Variants in HSPBAP1 observed in about 807,000 individuals in gnomAD.
The protein encoded by HSPBAP1 is HSPB1 associated protein 1.
Under a neutral mutation model 45.2 loss-of-function variants are expected in HSPBAP1, and 27 were observed. That is an observed-to-expected ratio of 0.60 (90% CI 0.44 to 0.82). The LOEUF (loss-of-function observed/expected upper bound fraction) is 0.82. Among genes scored for constraint, HSPBAP1 ranks in the 40% least tolerant of loss-of-function variants. The pLI is 0.00. For synonymous variants in HSPBAP1, 204 were observed against 202.7 expected, an observed-to-expected ratio of 1.01 and a Z score of -0.06; for missense variants, 510 against 590.9, an observed-to-expected ratio of 0.86 and a Z score of 1.42.
Position 122,740,921 on chromosome 3 carries a change from TAC to T in HSPBAP1, c.937-48_937-47del, listed in dbSNP as rs766657484. 1.9e-6 allele frequency: 3 copies of T among 1,609,306 alleles called. No individual in the cohort carries two copies. The South Asian group carries it at 3.3e-5, about 18-fold the overall frequency. On this transcript the variant is annotated intron_variant, in intron 7 of 7. Coordinates refer to ENST00000306103, the MANE Select transcript of HSPBAP1 (RefSeq NM_024610.6). ...TTTAAAATGGTTACATACATTTAGT[TAC>T]ACTGGAAAACATATGTTCTAGTCAG...
chr3:122,793,496 G>T, intron 1 of HSPBAP1, 121 bp downstream of exon 1: 1 of 768,368 alleles, frequency 1.3e-6, no homozygotes, highest in Non-Finnish European at 2.2e-6. Flanking sequence ...TTTCTTCATA[G>T]TCTAATGCAA....
At chr3:122,749,206 A>G (rs1281587404) in intron 6 of HSPBAP1, among the ~76,000 whole-genome samples, 1 of 151,984 alleles carries the variant, frequency 6.6e-6, no homozygotes, top group Non-Finnish European at 1.5e-5. Context: ...ATGATAAACC[A>G]GAAATGAATA....
chr3:122,774,150 CCTT>C (rs1935107885), intron 2 of HSPBAP1, among the ~76,000 whole-genome samples: 2 of 152,208 alleles, frequency 1.3e-5, no homozygotes, highest in South Asian at 4.1e-4. Flanking sequence ...ACAGAAGTGA[CCTT>C]CTTGAGGGGA....
At chr3:122,781,006 G>C (rs1165681169) in intron 1 of HSPBAP1, among the ~76,000 whole-genome samples, 1 of 149,766 alleles carries the variant, frequency 6.7e-6, no homozygotes, top group Non-Finnish European at 1.5e-5. Context: ...TGGCAGCCGG[G>C]AAGAGGCGCT....
At chr3:122,765,169 A>T (rs937876545) in intron 3 of HSPBAP1, among the ~76,000 whole-genome samples, 15 of 152,350 alleles carry the variant, frequency 9.8e-5, no homozygotes, top group South Asian at 2.1e-4. Context: ...AAGGAAAAAA[A>T]GACTCAGACA....
intron 4 of HSPBAP1, among the ~76,000 whole-genome samples, chr3:122,756,578 G>C (rs1396777582): frequency 2.0e-5 from 3 of 151,802 alleles, no homozygotes; most frequent in Non-Finnish European, 4.4e-5. Flanking sequence ...TGTGCCTGTA[G>C]TCCCAGCTAC....
Position 122,759,380 on chromosome 3 carries a change from C to T in HSPBAP1, c.433-20G>A, listed in dbSNP as rs1238197978. On this transcript the variant is annotated intron_variant, in intron 3 of 7. Transcript: ENST00000306103. ...CACATCCTGTTTTGAAATAAAGTTG[C>T]AATCCATCAAGAACTAACCAACTTC... 20 of 1,609,398 alleles carry T rather than the reference C, an allele frequency of 1.2e-5. No homozygotes were observed. The highest frequency in any genetic ancestry group is 1.5e-5 in the Non-Finnish European group (18 of 1,177,044).
chr3:122,740,574 T>G lies in HSPBAP1; in HGVS notation c.1238A>C (p.Asp413Ala). The change falls in exon 8 of 8, where the codon GAT (aspartate) becomes GCT (alanine). Residue 413 changes from aspartate to alanine, a missense_variant. Asp to Ala is a moderately radical substitution (Grantham distance 126). Transcript: ENST00000306103. ...ATCCTTGTCCACAAAGTCTTTCCCA[T>G]CACTTCCAAATATGCCTCCTCTTTC... ...PSERGGIFGS[D>A]GKDFVDKDGE... 3 of 1,614,228 alleles carry G rather than the reference T, an allele frequency of 1.9e-6. No homozygotes were observed. The highest frequency in any genetic ancestry group is 2.5e-6 in the Non-Finnish European group (3 of 1,180,038).
intron 1 of HSPBAP1, among the ~76,000 whole-genome samples, chr3:122,780,315 G>A (rs1391550969): frequency 8.8e-6 from 1 of 114,244 alleles, no homozygotes; most frequent in African/African-American, 3.4e-5. Context: ...CGGACGGGGC[G>A]GCTGGCCGGG....
chr3:122,740,235 C>A lies in HSPBAP1; in HGVS notation c.*110G>T, dbSNP rs1933608194. On this transcript the variant is annotated 3_prime_UTR_variant, in exon 8 of 8. Coordinates refer to ENST00000306103, the MANE Select transcript of HSPBAP1 (RefSeq NM_024610.6). ...ACATGTAATTCGGTAAGGATAAATACATTTACAAATGTGCAAACTGACCTT... is the reference window on the plus strand; with the variant it reads ...ACATGTAATTCGGTAAGGATAAATAAATTTACAAATGTGCAAACTGACCTT... The A allele has an allele frequency of 1.5e-6, 1 of 648,484 alleles. No homozygotes were observed. The allele number at this position is 648,484 out of a possible 1,614,324, so 40.2% of individuals were successfully genotyped here.
At chr3:122,771,125 T>C (rs572555038) in intron 2 of HSPBAP1, among the ~76,000 whole-genome samples, 1 of 152,342 alleles carries the variant, frequency 6.6e-6, no homozygotes, top group East Asian at 1.9e-4. Context: ...AAAAATTACA[T>C]ACGAGAACTG....
chr3:122,781,558 G>C (rs141261140), intron 1 of HSPBAP1, among the ~76,000 whole-genome samples: 4 of 152,168 alleles, frequency 2.6e-5, no homozygotes. Context: ...GAGGGAGACC[G>C]TGGGGAGACG....
At chr3:122,782,399 A>C (rs1174139983) in intron 1 of HSPBAP1, among the ~76,000 whole-genome samples, 2 of 152,230 alleles carry the variant, frequency 1.3e-5, no homozygotes, top group African/African-American at 2.4e-5. Flanking sequence ...TATTTAAATA[A>C]ATTTCACAGA....
intron 1 of HSPBAP1, among the ~76,000 whole-genome samples, chr3:122,790,564 T>C (rs914644963): frequency 5.3e-5 from 8 of 152,248 alleles, no homozygotes; most frequent in Admixed American, 1.3e-4. Flanking sequence ...TATGTCTTTA[T>C]TGCCAAAAAT....
chr3:122,775,447 C>G (rs576642651), intron 2 of HSPBAP1, among the ~76,000 whole-genome samples: 2 of 152,114 alleles, frequency 1.3e-5, no homozygotes, highest in Non-Finnish European at 2.9e-5. Context: ...ATAATACTTC[C>G]CATACACTAG....
At chr3:122,781,034 G>C (rs1008138208) in intron 1 of HSPBAP1, among the ~76,000 whole-genome samples, 1 of 150,864 alleles carries the variant, frequency 6.6e-6, no homozygotes, top group Non-Finnish European at 1.5e-5. Flanking sequence ...TCCTAGATGG[G>C]ATGGCGGCCG....
chr3:122,765,454 G>T (rs765245595), intron 3 of HSPBAP1, among the ~76,000 whole-genome samples: 6 of 151,770 alleles, frequency 4.0e-5, no homozygotes, highest in Non-Finnish European at 8.8e-5. Flanking sequence ...GGTGGTGCAC[G>T]CCTGTAATCC....
intron 3 of HSPBAP1, among the ~76,000 whole-genome samples, chr3:122,765,275 T>C (rs963514909): frequency 1.3e-5 from 2 of 152,202 alleles, no homozygotes; most frequent in African/African-American, 4.8e-5. Flanking sequence ...TAGTTAATTA[T>C]ATTATTTTAA....
intron 1 of HSPBAP1, among the ~76,000 whole-genome samples, chr3:122,783,298 T>C (rs1935551172): frequency 6.6e-6 from 1 of 152,240 alleles, no homozygotes; most frequent in African/African-American, 2.4e-5. Flanking sequence ...TTCAAGTTCT[T>C]CATCCTTCCA....
Sources: allele counts gnomAD v4.1 joint callset (sites outside exome capture counted in the v4.1 genomes callset), GRCh38; gene constraint gnomAD v4.1.1; transcripts MANE v1.5; gene names NCBI Gene and HGNC (gene_info 2026-07-23, HGNC 2026-07-21).